Variants in LYPLAL1 observed in about 807,000 individuals in gnomAD.
The protein encoded by LYPLAL1 is lysophospholipase like 1.
In LYPLAL1, 23 loss-of-function variants were observed where a neutral mutation model predicts 19.7. That is an observed-to-expected ratio of 1.17 (90% CI 0.84 to 1.65). LYPLAL1 has a LOEUF of 1.65. LYPLAL1 is among the 40% of genes most tolerant of loss of function. The pLI is 0.00. For missense variants in LYPLAL1, 355 were observed against 279.4 expected, an observed-to-expected ratio of 1.27 and a Z score of -1.93; for synonymous variants, 119 against 96.3, an observed-to-expected ratio of 1.24 and a Z score of -1.38.
the LYPLAL1 span, among the ~76,000 whole-genome samples, chr1:219,256,926 A>G: frequency 1.3e-5 from 2 of 152,062 alleles, no homozygotes; most frequent in Admixed American, 6.6e-5. Context: ...CAAATAATAC[A>G]CTCCATGATT....
the LYPLAL1 span, among the ~76,000 whole-genome samples, chr1:219,354,320 C>T: frequency 1.3e-5 from 2 of 152,168 alleles, no homozygotes; most frequent in Non-Finnish European, 2.9e-5. Context: ...ACTGAGTCTC[C>T]TGAGTGGCTG....
At chr1:219,417,478 A>G in the LYPLAL1 span, among the ~76,000 whole-genome samples, 1 of 152,222 alleles carries the variant, frequency 6.6e-6, no homozygotes, top group African/African-American at 2.4e-5. Flanking sequence ...ATTCTAAGGA[A>G]TGGCCCTGTG....
chr1:219,187,128 C>T (rs1214871677), intron 2 of LYPLAL1, among the ~76,000 whole-genome samples: 1 of 151,314 alleles, frequency 6.6e-6, no homozygotes, highest in Non-Finnish European at 1.5e-5. Flanking sequence ...ACATTGAAAA[C>T]TGTATCAAAC....
At chr1:219,436,124 G>A in the LYPLAL1 span, among the ~76,000 whole-genome samples, 566 of 152,276 alleles carry the variant, frequency 3.7e-3, 2 homozygotes, top group Non-Finnish European at 6.9e-3. Context: ...AGTCACTGGT[G>A]TGCTTTGGGG....
chr1:219,317,161 G>A, the LYPLAL1 span, among the ~76,000 whole-genome samples: 1 of 152,126 alleles, frequency 6.6e-6, no homozygotes, highest in Non-Finnish European at 1.5e-5. Flanking sequence ...TCTCACTAGA[G>A]TGGCTGTTCT....
intron 3 of LYPLAL1, among the ~76,000 whole-genome samples, chr1:219,207,793 A>C (rs1485746479): frequency 6.6e-6 from 1 of 152,046 alleles, no homozygotes; most frequent in Non-Finnish European, 1.5e-5. Flanking sequence ...CCATTTAATA[A>C]ATTCTATTAA....
chr1:219,227,202 T>C, the LYPLAL1 span, among the ~76,000 whole-genome samples: 1 of 152,366 alleles, frequency 6.6e-6, no homozygotes, highest in South Asian at 2.1e-4. Context: ...AAATCTCTGC[T>C]CTGAGGAGTT....
chr1:219,356,939 A>G, the LYPLAL1 span, among the ~76,000 whole-genome samples: 1 of 152,226 alleles, frequency 6.6e-6, no homozygotes, highest in Non-Finnish European at 1.5e-5. Flanking sequence ...ATGTGGACAC[A>G]TTATATTATA....
At chr1:219,341,610 C>G in the LYPLAL1 span, among the ~76,000 whole-genome samples, 1 of 151,966 alleles carries the variant, frequency 6.6e-6, no homozygotes, top group Non-Finnish European at 1.5e-5. Context: ...CTGTCCTGAA[C>G]CAAGTGGCCT....
chr1:219,219,627 G>A, the LYPLAL1 span, among the ~76,000 whole-genome samples: 2 of 152,188 alleles, frequency 1.3e-5, no homozygotes, highest in Admixed American at 1.3e-4. Flanking sequence ...GGTGGCATCT[G>A]TCCATACCAC....
At chr1:219,176,107 A>G (rs1204560712) in intron 1 of LYPLAL1, among the ~76,000 whole-genome samples, 1 of 152,252 alleles carries the variant, frequency 6.6e-6, no homozygotes, top group Non-Finnish European at 1.5e-5. Flanking sequence ...TAGCAGCCAT[A>G]GAAGAACATA....
the LYPLAL1 span, among the ~76,000 whole-genome samples, chr1:219,403,660 A>T: frequency 6.6e-6 from 1 of 152,224 alleles, no homozygotes; most frequent in Non-Finnish European, 1.5e-5. Flanking sequence ...TAACCTCTGG[A>T]TGCAGTGTAC....
the LYPLAL1 span, among the ~76,000 whole-genome samples, chr1:219,289,869 T>C: frequency 3.3e-5 from 5 of 152,344 alleles, no homozygotes; most frequent in African/African-American, 9.6e-5. Context: ...CTCTCTGATA[T>C]TAATGCCCCT....
chr1:219,244,371 GT>G, the LYPLAL1 span, among the ~76,000 whole-genome samples: 1 of 152,190 alleles, frequency 6.6e-6, no homozygotes, highest in Non-Finnish European at 1.5e-5. Context: ...GGGTAGAACT[GT>G]GTAACACTCA....
At chr1:219,338,190 T>A in the LYPLAL1 span, among the ~76,000 whole-genome samples, 2 of 151,984 alleles carry the variant, frequency 1.3e-5, no homozygotes, top group South Asian at 4.1e-4. Flanking sequence ...GGAGAAACAT[T>A]TAATCCAATA....
chr1:219,401,873 C>T, the LYPLAL1 span, among the ~76,000 whole-genome samples: 1 of 152,114 alleles, frequency 6.6e-6, no homozygotes, highest in Admixed American at 6.5e-5. Context: ...TGTTTTCAAT[C>T]CTCTGGTGAC....
At chr1:219,406,749 A>T in the LYPLAL1 span, among the ~76,000 whole-genome samples, 1 of 151,888 alleles carries the variant, frequency 6.6e-6, no homozygotes, top group Non-Finnish European at 1.5e-5. Flanking sequence ...CAATGTCAAG[A>T]ACATAGCAGT....
rs537041787 is a variant in LYPLAL1, at chr1:219,174,285, A to G, written c.91+304A>G. 1.7e-4 allele frequency: 220 copies of G among 1,285,220 alleles called. 1 individual carries two copies. The South Asian group carries it at 3.6e-3, about 21-fold the overall frequency. 79.6% of individuals were successfully genotyped at this position (1,285,220 alleles called of 1,614,324 possible). ...CCTCCCCATTCCTCGCCCCAAGTTT[A>G]AACAGAGCAAGTTAGTAAGGTAAGT... On this transcript the variant is annotated intron_variant, in intron 1 of 4. Transcript: ENST00000366928.
the LYPLAL1 span, among the ~76,000 whole-genome samples, chr1:219,353,309 C>T: frequency 1.4e-4 from 22 of 152,218 alleles, no homozygotes; most frequent in Admixed American, 7.9e-4. Context: ...AGACAGAGCA[C>T]TAGATTCTAC....
Sources: gnomAD v4.1 joint callset for allele counts (sites outside exome capture counted in the v4.1 genomes callset) on GRCh38, gnomAD v4.1.1 for gene constraint, MANE v1.5 for transcripts, NCBI Gene and HGNC (gene_info 2026-07-23, HGNC 2026-07-21) for gene names.